KIAA0825: variants seen among roughly 807,000 people sequenced by gnomAD.
KIAA0825 encodes the protein uncharacterized protein KIAA0825.
A neutral mutation model predicts 147.6 loss-of-function variants in KIAA0825; 119 were observed. That is an observed-to-expected ratio of 0.81 (90% confidence interval 0.69 to 0.94). The LOEUF (loss-of-function observed/expected upper bound fraction) is 0.94, where lower values mean the gene tolerates loss of function less well. Ranked by LOEUF, KIAA0825 falls within the 40% of genes least tolerant of loss-of-function variation. The pLI, the probability that KIAA0825 is intolerant of heterozygous loss-of-function variation, is 0.00. For synonymous variants in KIAA0825, 470 were observed against 518.1 expected (o/e 0.91, Z 1.26); for missense variants, 1,381 against 1,472.7 (o/e 0.94, Z 1.02).
intron 20 of KIAA0825, among the ~76,000 whole-genome samples, chr5:94,246,491 G>T (rs543404889): frequency 2.0e-4 from 31 of 152,172 alleles, no homozygotes; most frequent in Non-Finnish European, 1.5e-5. Context: ...GGGTCAGGTG[G>T]GGTGGCACAC....
Position 94,396,408 on chromosome 5 carries a change from A to G in KIAA0825, c.2989T>C (p.Ser997Pro). Residue 997 changes from serine (S) to proline (P), a missense_variant, in exon 17 of 21, where the codon TCT becomes CCT. Physicochemically the swap from Ser to Pro is moderately conservative, Grantham distance 74. Transcript: ENST00000682413. ...AATTTTTTTGACATTTTTCTCTCAG[A>G]CAGAAAAAAGAAGTATTTAACTGGG... is the stretch of plus-strand genomic sequence containing the variant. ...PPPVKYFFFL[S>P]ERKMSKKFVE... 1 of 1,550,798 alleles carries G rather than the reference A, an allele frequency of 6.4e-7. No individual in the cohort carries two copies. The highest frequency in any genetic ancestry group is 1.2e-5 in the South Asian group (1 of 83,810).
chr5:94,485,461 C>T (rs746394629), intron 5 of KIAA0825, among the ~76,000 whole-genome samples: 7 of 151,762 alleles, frequency 4.6e-5, no homozygotes, highest in South Asian at 2.1e-4. Flanking sequence ...TGAAATCTGA[C>T]TGAAGTCTAC....
At chr5:94,349,650 A>G (rs776855708) in intron 20 of KIAA0825, among the ~76,000 whole-genome samples, 4 of 152,244 alleles carry the variant, frequency 2.6e-5, no homozygotes, top group Non-Finnish European at 4.4e-5. Flanking sequence ...CCATGCAAAT[A>G]CACGGAAATT....
rs142005557 is a variant in KIAA0825, at chr5:94,529,100, C to T, written c.132-5002G>A. On this transcript the variant is annotated intron_variant, in intron 3 of 20. Transcript: ENST00000682413. ...TCATTAAGCCAGACAACAGATTTGA[C>T]GAGAAGCTACATACTGAGGGTTTTA... Among the ~76,000 whole-genome samples the T allele has an allele frequency of 4.5e-4, 68 of 151,042 alleles. 1 individual carries two copies. In the East Asian group the frequency reaches 7.4e-3, roughly 16 times the overall value.
intron 2 of KIAA0825, among the ~76,000 whole-genome samples, chr5:94,565,374 C>G (rs577524731): frequency 6.7e-6 from 1 of 149,526 alleles, no homozygotes; most frequent in South Asian, 2.1e-4. Context: ...ACAGAATCTC[C>G]TTTTGTTGCC....
At chr5:94,233,131 G>C (rs1328765245) in intron 20 of KIAA0825, among the ~76,000 whole-genome samples, 10 of 152,126 alleles carry the variant, frequency 6.6e-5, no homozygotes, top group Non-Finnish European at 1.3e-4. Context: ...GGCAAAAAGA[G>C]GCAAAACAAG....
intron 5 of KIAA0825, among the ~76,000 whole-genome samples, chr5:94,506,702 T>G (rs1765779764): frequency 6.6e-6 from 1 of 152,212 alleles, no homozygotes; most frequent in Non-Finnish European, 1.5e-5. Flanking sequence ...TGGGGGCATA[T>G]AATTGTTTTA....
chr5:94,522,326 T>G (rs1369148057), intron 4 of KIAA0825, among the ~76,000 whole-genome samples: 1 of 151,712 alleles, frequency 6.6e-6, no homozygotes, highest in African/African-American at 2.4e-5. Flanking sequence ...ATTGAGTTAT[T>G]TTGATATTTC....
At chr5:94,563,609 TTG>T (rs1184016162) in intron 2 of KIAA0825, among the ~76,000 whole-genome samples, 1 of 152,256 alleles carries the variant, frequency 6.6e-6, no homozygotes, top group African/African-American at 2.4e-5. Flanking sequence ...AATTGTATCT[TTG>T]AAGTTTAATT....
Position 94,589,803 on chromosome 5 carries a change from C to G in KIAA0825, c.-152-7220G>C, listed in dbSNP as rs76028102. ...CATGCACAAATAATGAGCTTTATTT[C>G]TTTATTTCCAAAATCTGTACTTTAT... is the stretch of plus-strand genomic sequence containing the variant. On this transcript the variant is annotated intron_variant, in intron 1 of 20. Coordinates refer to ENST00000682413, the MANE Select transcript of KIAA0825 (RefSeq NM_001145678.3). Among the ~76,000 whole-genome samples, 330 of 149,028 alleles carry G rather than the reference C, an allele frequency of 2.2e-3. 10 individuals carry two copies. The East Asian group carries it at 0.06, about 27-fold the overall frequency.
chr5:94,526,400 G>A (rs1269836183), intron 3 of KIAA0825, among the ~76,000 whole-genome samples: 9 of 151,866 alleles, frequency 5.9e-5, no homozygotes, highest in Non-Finnish European at 1.3e-4. Flanking sequence ...TACAAGTAAT[G>A]TTTTATTTCT....
intron 20 of KIAA0825, among the ~76,000 whole-genome samples, chr5:94,201,551 G>T (rs1371659622): frequency 6.6e-6 from 1 of 151,690 alleles, no homozygotes; most frequent in Non-Finnish European, 1.5e-5. Flanking sequence ...TGGAATACAG[G>T]TGCATGCCAC....
intron 20 of KIAA0825, among the ~76,000 whole-genome samples, chr5:94,216,652 A>AT (rs1480515723): frequency 1.3e-5 from 2 of 152,140 alleles, no homozygotes; most frequent in African/African-American, 4.8e-5. Context: ...GAGGAGAGCC[A>AT]TTTTTCTCCG....
At chr5:94,254,284 A>C (rs1776125029) in intron 20 of KIAA0825, among the ~76,000 whole-genome samples, 1 of 152,224 alleles carries the variant, frequency 6.6e-6, no homozygotes, top group Non-Finnish European at 1.5e-5. Flanking sequence ...TTATCAACAT[A>C]GTATCCAATT....
chr5:94,470,835 C>T (rs1052127014), intron 9 of KIAA0825, among the ~76,000 whole-genome samples: 6 of 152,006 alleles, frequency 3.9e-5, no homozygotes, highest in Non-Finnish European at 8.8e-5. Context: ...GCTAAGTCTA[C>T]GTGTTTCTTT....
In KIAA0825 at chr5:94,453,012, C is replaced by T. The variant is rs750943108; in HGVS notation, c.2304G>A (p.Lys768=). 35 of 1,530,976 alleles carry T rather than the reference C, an allele frequency of 2.3e-5. No homozygotes were observed. The highest frequency in any genetic ancestry group is 2.7e-5 in the Non-Finnish European group (31 of 1,139,386). The allele number at this position is 1,530,976 out of a possible 1,614,324, so 94.8% of individuals were successfully genotyped here. A position where few individuals can be genotyped will look rare whatever the true frequency, so the allele number is the denominator to read the frequency against. The stretch of plus-strand genomic sequence containing the variant: ...TGCAAGAAACCCAATATAATGGTTG[C>T]TTAAAAAATGATTTTAAGGAATCTG... ...SASDSLKSFF[K]QPLYWVSCIS... Residue 768 remains lysine, a synonymous_variant, in exon 13 of 21, where the codon AAG becomes AAA. Transcript: ENST00000682413.
At chr5:94,155,213 CTTTTTTT>C (rs67704311) in intron 20 of KIAA0825, among the ~76,000 whole-genome samples, 13,473 of 118,998 alleles carry the variant, frequency 0.11, 757 homozygotes, top group Middle Eastern at 0.2. Flanking sequence ...TATTTTCTTT[CTTTTTTT>C]TTTTTTTTTT....
chr5:94,403,691 C>T lies in KIAA0825; in HGVS notation c.2765G>A (p.Ser922Asn). Reference sequence around the variant, plus strand: ...GTTTGTCTCACAGTTTCTCCTAGAACTCATTACAGATACTATCTGCTGTAC... The same window carrying T: ...GTTTGTCTCACAGTTTCTCCTAGAATTCATTACAGATACTATCTGCTGTAC... ...DTVQQIVSVM[S>N]SRRNCETNLN... Residue 922 changes from serine (S) to asparagine (N), a missense_variant, in exon 16 of 21, where the codon AGT becomes AAT. Transcript: ENST00000682413. 6.4e-7 allele frequency: 1 copy of T among 1,551,596 alleles called. No individual in the cohort carries two copies. The highest frequency in any genetic ancestry group is 8.7e-7 in the Non-Finnish European group (1 of 1,146,908).
chr5:94,278,953 T>C (rs879464361), intron 20 of KIAA0825, among the ~76,000 whole-genome samples: 9 of 152,092 alleles, frequency 5.9e-5, no homozygotes, highest in Non-Finnish European at 1.2e-4. Flanking sequence ...AATGGTCATA[T>C]TATGTAAATT....
Sources: gnomAD v4.1 joint callset for allele counts (sites outside exome capture counted in the v4.1 genomes callset) on GRCh38, gnomAD v4.1.1 for gene constraint, MANE v1.5 for transcripts, NCBI Gene and HGNC (gene_info 2026-07-23, HGNC 2026-07-21) for gene names.